The following ABCA13 variants were observed in gnomAD, a reference collection of about 807,000 sequenced individuals.
The protein encoded by ABCA13 is ATP-binding cassette sub-family A member 13.
Under a neutral mutation model 478.7 loss-of-function variants are expected in ABCA13, and 476 were observed. The ratio of observed to expected loss-of-function variants is 0.99; its 90% CI spans 0.92 to 1.07. The LOEUF (loss-of-function observed/expected upper bound fraction) is 1.07. Among genes scored for constraint, ABCA13 ranks in the 50% least tolerant of loss-of-function variants. The pLI, the probability that ABCA13 is intolerant of heterozygous loss-of-function variation, is 0.00. For missense variants in ABCA13, 6,060 were observed against 5,910.6 expected, an observed-to-expected ratio of 1.03 and a Z score of -0.83; for synonymous variants, 2,252 against 2,158.9, an observed-to-expected ratio of 1.04 and a Z score of -1.20.
chr7:48,225,927 T>C (rs1310288957), intron 5 of ABCA13, among the ~76,000 whole-genome samples: 2 of 151,544 alleles, frequency 1.3e-5, no homozygotes, highest in Non-Finnish European at 2.9e-5. Context: ...TGATAGATTG[T>C]GAGAAGAGAA....
intron 40 of ABCA13, 87 bp downstream of exon 40, chr7:48,410,764 C>T (rs568877071): frequency 4.3e-5 from 66 of 1,520,838 alleles, no homozygotes; most frequent in Admixed American, 1.7e-4. Context: ...ATAGTAATAA[C>T]GTCTCAGTGG....
intron 55 of ABCA13, among the ~76,000 whole-genome samples, chr7:48,563,722 C>T (rs1786700526): frequency 6.6e-6 from 1 of 151,942 alleles, no homozygotes; most frequent in African/African-American, 2.4e-5. Context: ...CAAGACTCCT[C>T]AAATCCCCCC....
chr7:48,345,613 G>T (rs1269816133), intron 29 of ABCA13, among the ~76,000 whole-genome samples: 1 of 152,162 alleles, frequency 6.6e-6, no homozygotes, highest in African/African-American at 2.4e-5. Flanking sequence ...GCTGTACAAT[G>T]TGTTTTGTAT....
rs1378255291 is a variant in ABCA13, at chr7:48,403,823, G to A, written c.12014G>A (p.Gly4005Glu). ...RTVVLDEPTS[G>E]VDPCSRHSLW... Reference sequence around the variant, plus strand: ...GTGGTTCTGGATGAGCCCACCAGTGGGGTGGACCCTTGCTCCCGGCATAGC... The same window carrying A: ...GTGGTTCTGGATGAGCCCACCAGTGAGGTGGACCCTTGCTCCCGGCATAGC... Residue 4005 changes from glycine (G) to glutamate (E), a missense_variant, in exon 39 of 62, where the codon GGG becomes GAG. Gly to Glu is a moderately conservative substitution (Grantham distance 98). Around this residue, in one of 3 missense-constraint regions of ABCA13, gnomAD observed 1,627 missense variants for 1,571.0 expected, o/e 1.04. Transcript: ENST00000435803. 2 of 1,613,686 alleles carry A rather than the reference G, an allele frequency of 1.2e-6. No homozygotes were observed. Among genetic ancestry groups the A allele is most frequent in the Non-Finnish European group, 1.7e-6 (2 of 1,179,796 alleles).
intron 26 of ABCA13, among the ~76,000 whole-genome samples, chr7:48,314,884 G>T (rs914794550): frequency 3.3e-5 from 5 of 152,266 alleles, no homozygotes; most frequent in Non-Finnish European, 7.4e-5. Flanking sequence ...AATATGCCAC[G>T]ATAGGTACAA....
chr7:48,347,584 A>C (rs997516810), intron 29 of ABCA13, among the ~76,000 whole-genome samples: 2 of 152,238 alleles, frequency 1.3e-5, no homozygotes, highest in Admixed American at 1.3e-4. Flanking sequence ...CGCATCAGCC[A>C]GTCCAGGCCA....
At chr7:48,343,000 T>C (rs907546516) in intron 29 of ABCA13, among the ~76,000 whole-genome samples, 2 of 152,128 alleles carry the variant, frequency 1.3e-5, no homozygotes, top group African/African-American at 4.8e-5. Context: ...TAAGTCTATT[T>C]TCATCTAATT....
Position 48,506,275 on chromosome 7 carries a change from G to A in ABCA13, c.13292-61G>A, listed in dbSNP as rs557680819. On this transcript the variant is annotated intron_variant, in intron 48 of 61. Coordinates refer to ENST00000435803, the MANE Select transcript of ABCA13 (RefSeq NM_152701.5). ...CAGGGAATCTGCGTAGCCTGTAGAT[G>A]AGCTGCGATTCACCATGCAGGAGCA... is the stretch of plus-strand genomic sequence containing the variant. 46 of 1,542,702 alleles carry A rather than the reference G, an allele frequency of 3.0e-5. 2 individuals are homozygous for A. Among genetic ancestry groups the A allele is most frequent in the Admixed American group, 2.5e-4 (15 of 59,698 alleles).
chr7:48,506,474 C>T (rs1214527762), intron 49 of ABCA13, 84 bp downstream of exon 49: 2 of 1,480,254 alleles, frequency 1.4e-6, no homozygotes, highest in Non-Finnish European at 1.9e-6. Flanking sequence ...TTTGGTCTCT[C>T]TTTTGCATTT....
Position 48,278,973 on chromosome 7 carries a change from A to T in ABCA13, c.7779A>T (p.Pro2593=). The change falls in exon 18 of 62, where the codon CCA becomes CCT. Residue 2593 remains proline (P), a synonymous_variant. Transcript: ENST00000435803. ...AAAAGATAAATGATTTGTTGGTGCC[A>T]TTTCTTGACTTGGCCTTTGAAATGA... ...TFEKINDLLV[P]FLDLAFEMIG... The T allele has an allele frequency of 6.2e-7, 1 of 1,613,432 alleles. No homozygotes were observed. Among genetic ancestry groups the T allele is most frequent in the Non-Finnish European group, 8.5e-7 (1 of 1,179,814 alleles).
chr7:48,497,719 T>A (rs1015323486), intron 48 of ABCA13, among the ~76,000 whole-genome samples: 1 of 151,450 alleles, frequency 6.6e-6, no homozygotes, highest in Non-Finnish European at 1.5e-5. Flanking sequence ...TCATGGCAAA[T>A]GAGGCACTGA....
intron 55 of ABCA13, among the ~76,000 whole-genome samples, chr7:48,538,447 T>C (rs56393952): frequency 1.3e-5 from 2 of 152,114 alleles, no homozygotes; most frequent in African/African-American, 4.8e-5. Flanking sequence ...TTTTAAAGAC[T>C]TTTTTGAAGT....
chr7:48,219,883 A>AACACACACACACACAC (rs3065570), intron 4 of ABCA13, among the ~76,000 whole-genome samples: 1 of 126,510 alleles, frequency 7.9e-6, no homozygotes, highest in African/African-American at 3.1e-5. Context: ...ACCTTCCCCA[A>AACACACACACACACAC]ACACACACAC....
intron 20 of ABCA13, among the ~76,000 whole-genome samples, chr7:48,289,879 A>G (rs980531482): frequency 6.6e-6 from 1 of 152,144 alleles, no homozygotes; most frequent in African/African-American, 2.4e-5. Flanking sequence ...CAGGATGCAA[A>G]GCTTTTAAGA....
chr7:48,203,217 G>A (rs1422021618), intron 3 of ABCA13, among the ~76,000 whole-genome samples: 1 of 149,822 alleles, frequency 6.7e-6, no homozygotes, highest in Non-Finnish European at 1.5e-5. Context: ...TGCGGGCGGG[G>A]CCCGCCAAGC....
chr7:48,607,934 A>G (rs190375081), intron 58 of ABCA13, among the ~76,000 whole-genome samples: 3 of 152,166 alleles, frequency 2.0e-5, no homozygotes, highest in Admixed American at 2.0e-4. Flanking sequence ...AGGCTGGAGT[A>G]CAGCAATGCA....
chr7:48,260,938 C>G (rs895835419), intron 15 of ABCA13, among the ~76,000 whole-genome samples: 69 of 151,614 alleles, frequency 4.6e-4, no homozygotes, highest in African/African-American at 1.6e-3. Context: ...CTTCCAGCAA[C>G]TTTTTCAGGG....
chr7:48,388,487 C>T (rs1376498232), intron 36 of ABCA13, among the ~76,000 whole-genome samples: 1 of 152,184 alleles, frequency 6.6e-6, no homozygotes, highest in African/African-American at 2.4e-5. Flanking sequence ...CCTGTTCCTG[C>T]AGGTGCAGGC....
intron 27 of ABCA13, among the ~76,000 whole-genome samples, chr7:48,329,265 G>A (rs996801995): frequency 5.3e-5 from 8 of 152,192 alleles, no homozygotes; most frequent in Admixed American, 2.6e-4. Context: ...TTGAAACTGG[G>A]CTTCTAGGGG....
Sources: gnomAD v4.1 joint callset for allele counts (sites outside exome capture counted in the v4.1 genomes callset) on GRCh38, gnomAD v4.1.1 for gene constraint, gnomAD v4.1.1 regional missense constraint, MANE v1.5 for transcripts, NCBI Gene and HGNC (gene_info 2026-07-23, HGNC 2026-07-21) for gene names.